Variants in CPT1C observed in about 807,000 individuals in gnomAD.
CPT1C encodes palmitoyl thioesterase CPT1C.
In CPT1C, 61 loss-of-function variants were observed where a neutral mutation model predicts 97.3. The observed-to-expected ratio is 0.63, with a 90% CI of 0.51 to 0.78. The LOEUF (loss-of-function observed/expected upper bound fraction) is 0.78, where lower values mean the gene tolerates loss of function less well. CPT1C is among the 30% of genes least tolerant of loss of function. The probability of loss-of-function intolerance (pLI) is 0.00; values close to 1 mark genes in which losing one functional copy is unlikely to be tolerated. For missense variants in CPT1C, 975 were observed against 1,065.5 expected (o/e 0.92, Z 1.18); for synonymous variants, 469 against 447.2 (o/e 1.05, Z -0.61).
chr19:49,701,954 A>ATATT (rs1555779019), intron 7 of CPT1C, among the ~76,000 whole-genome samples: 2 of 73,896 alleles, frequency 2.7e-5, no homozygotes, highest in East Asian at 6.7e-4. Flanking sequence ...TTATATATAA[A>ATATT]TATATTTATA....
chr19:49,704,570 A>T, intron 7 of CPT1C, 140 bp from the exon 8 acceptor site: 1 of 658,066 alleles, frequency 1.5e-6, no homozygotes, highest in Non-Finnish European at 2.7e-6. Context: ...GGTGATCGCT[A>T]GTTACTGACT....
chr19:49,710,728 G>C lies in CPT1C; in HGVS notation c.1737G>C (p.Arg579Ser), dbSNP rs760880315. Residue 579 changes from arginine (R) to serine (S), a missense_variant, in exon 16 of 20, where the codon AGG becomes AGC. Transcript: ENST00000598293. ...TTCTCCTCCCTGTCCCCCAGGACAG[G>C]GGTCAATTCTGCCTGACTTATGAGT... ...IALQLAHFRD[R>S]GQFCLTYESA... is the part of the protein sequence containing the mutation. 6.2e-7 allele frequency: 1 copy of C among 1,612,354 alleles called. No individual in the cohort carries two copies. The highest frequency in any genetic ancestry group is 8.5e-7 in the Non-Finnish European group (1 of 1,178,636).
chr19:49,693,398 G>C (rs1335145664), intron 3 of CPT1C, among the ~76,000 whole-genome samples: 1 of 152,062 alleles, frequency 6.6e-6, no homozygotes, highest in Non-Finnish European at 1.5e-5. Context: ...TGTCATCTTG[G>C]GCAAGCACCT....
At chr19:49,692,494 A>G (rs754102934) in intron 3 of CPT1C, 101 bp downstream of exon 3, 26 of 1,416,190 alleles carry the variant, frequency 1.8e-5, no homozygotes, top group Non-Finnish European at 2.4e-5. Flanking sequence ...CATTTCTGGG[A>G]GACTATCACC....
Position 49,701,413 on chromosome 19 carries a change from C to G in CPT1C, c.550C>G (p.Arg184Gly). ...CGTGCCCTCTGTGCAGGACACCGTG[C>G]GCAAGGTGGGCCTGGGAGCGCGCAG... Reference protein sequence around the residue: ...QPVPSVQDTVRKYLESVRPIL... With the variant: ...QPVPSVQDTVGKYLESVRPIL... The change falls in exon 6 of 20, where the codon CGC becomes GGC. Residue 184 changes from arginine (R) to glycine (G), a missense_variant. Transcript: ENST00000598293. 3 of 1,609,170 alleles carry G rather than the reference C, an allele frequency of 1.9e-6. No individual in the cohort carries two copies. The highest frequency in any genetic ancestry group is 2.5e-6 in the Non-Finnish European group (3 of 1,177,226).
chr19:49,704,553 A>G (rs1393067720), intron 7 of CPT1C, 157 bp from the exon 8 acceptor site: 1 of 641,514 alleles, frequency 1.6e-6, no homozygotes. Context: ...CCATGGATGG[A>G]TTTCTAGGTG....
At chr19:49,704,679 C>T in intron 7 of CPT1C, 31 bp from the exon 8 acceptor site, 1 of 1,591,652 alleles carries the variant, frequency 6.3e-7, no homozygotes, top group Non-Finnish European at 8.6e-7. Flanking sequence ...GCCCCAGCCC[C>T]TCACTGTGTG....
intron 10 of CPT1C, among the ~76,000 whole-genome samples, 153 bp downstream of exon 10, chr19:49,705,451 C>G (rs1212018320): frequency 2.0e-5 from 3 of 152,228 alleles, no homozygotes; most frequent in Non-Finnish European, 2.9e-5. Context: ...TCAGCTTCCA[C>G]TAAAGTGGGA....
intron 3 of CPT1C, among the ~76,000 whole-genome samples, chr19:49,695,946 G>A (rs1258780130): frequency 6.6e-6 from 1 of 151,810 alleles, no homozygotes. Flanking sequence ...GCAGGATCTT[G>A]GCTCACTGCA....
intron 3 of CPT1C, among the ~76,000 whole-genome samples, chr19:49,692,639 C>T (rs146733134): frequency 2.7e-4 from 41 of 152,312 alleles, no homozygotes; most frequent in Admixed American, 7.9e-4. Context: ...AACTGGGCCC[C>T]CCAAAAACTA....
chr19:49,705,040 G>T lies in CPT1C; in HGVS notation c.805G>T (p.Ala269Ser). The T allele has an allele frequency of 6.2e-7, 1 of 1,608,878 alleles. No homozygotes were observed. The highest frequency in any genetic ancestry group is 8.5e-7 in the Non-Finnish European group (1 of 1,176,378). ...GTATGTCACACCCACGCCTCTGCAG[G>T]CAGCTCGCGCTGGGAATGCCGTCCA... is the stretch of plus-strand genomic sequence containing the variant. Reference protein sequence around the residue: ...FLYVTPTPLQAARAGNAVHAL... With the variant: ...FLYVTPTPLQSARAGNAVHAL... Residue 269 changes from alanine (A) to serine (S), a missense_variant, in exon 9 of 20, where the codon GCA becomes TCA. Transcript: ENST00000598293.
intron 14 of CPT1C, among the ~76,000 whole-genome samples, chr19:49,709,222 A>T (rs1347638042): frequency 1.3e-5 from 2 of 150,904 alleles, no homozygotes; most frequent in African/African-American, 2.4e-5. Flanking sequence ...TGTTCATCCT[A>T]ACTCCACCCC....
chr19:49,712,007 G>A (rs2083916367), intron 17 of CPT1C, 46 bp downstream of exon 17: 1 of 1,591,798 alleles, frequency 6.3e-7, no homozygotes, highest in Admixed American at 1.7e-5. Context: ...GGAGACCATG[G>A]AAGAAGGGAG....
chr19:49,711,069 C>T, intron 16 of CPT1C: 2 of 463,774 alleles, frequency 4.3e-6, no homozygotes, highest in Non-Finnish European at 3.8e-6. Context: ...TCTCACAGGG[C>T]ACTGGGGGTG....
chr19:49,713,367 C>A, intron 19 of CPT1C, 53 bp from the exon 20 acceptor site: 1 of 1,512,280 alleles, frequency 6.6e-7, no homozygotes, highest in Non-Finnish European at 9.0e-7. Flanking sequence ...GTTTCTCAGC[C>A]TCCAGGATCC....
Position 49,705,086 on chromosome 19 carries a change from A to G in CPT1C, c.851A>G (p.His284Arg). The G allele has an allele frequency of 1.2e-6, 2 of 1,613,814 alleles. No individual in the cohort carries two copies. The highest frequency in any genetic ancestry group is 1.7e-6 in the Non-Finnish European group (2 of 1,179,938). ...NAVHALLLYR[H>R]RLNRQEIPPT... ...GTCCATGCCCTCCTCCTGTACCGCCACCGCCTGAACCGCCAGGAGATACCC... is the reference window on the plus strand; with the variant it reads ...GTCCATGCCCTCCTCCTGTACCGCCGCCGCCTGAACCGCCAGGAGATACCC... The change falls in exon 9 of 20, where the codon CAC (histidine) becomes CGC (arginine). Residue 284 changes from histidine (H) to arginine (R), a missense_variant. Physicochemically the swap from His to Arg is conservative, Grantham distance 29 (BLOSUM62 0). Around this residue, in one of 3 missense-constraint regions of CPT1C, gnomAD observed 596 missense variants for 603.1 expected, o/e 0.99. Coordinates refer to ENST00000598293, the MANE Select transcript of CPT1C (RefSeq NM_001199753.2).
At chr19:49,700,995 GTCC>G in intron 5 of CPT1C, 140 bp downstream of exon 5, 1 of 850,722 alleles carries the variant, frequency 1.2e-6, no homozygotes, top group Non-Finnish European at 1.8e-6. Flanking sequence ...CTGGGTCTCT[GTCC>G]TCCTCTGTCC....
rs770142794 is a variant in CPT1C at position 49,705,301 on chromosome 19, G to A, written c.964+3G>A. On this transcript the variant is annotated splice_donor_region_variant and intron_variant, in intron 10 of 19. Transcript: ENST00000598293. ...GCGGATTCCAGGGGTCCAAAAAGGT[G>A]AGACCCTCTCCTGTCCCCACTGATG... The A allele has an allele frequency of 6.9e-6, 11 of 1,592,068 alleles. No individual in the cohort carries two copies. The highest frequency in any genetic ancestry group is 8.6e-6 in the Non-Finnish European group (10 of 1,164,630).
chr19:49,704,974 G>A (rs1403281022), intron 8 of CPT1C, 33 bp from the exon 9 acceptor site: 1 of 1,545,680 alleles, frequency 6.5e-7, no homozygotes, highest in Admixed American at 1.8e-5. Flanking sequence ...ACCTGACCCT[G>A]GGTGTTTTGC....
Sources: gnomAD v4.1 joint callset for allele counts (sites outside exome capture counted in the v4.1 genomes callset) on GRCh38, gnomAD v4.1.1 for gene constraint, gnomAD v4.1.1 regional missense constraint, MANE v1.5 for transcripts, NCBI Gene and HGNC (gene_info 2026-07-23, HGNC 2026-07-21) for gene names.